Variants in PSMG1 observed in about 807,000 individuals in gnomAD.
PSMG1 encodes the protein Down syndrome critical region gene 2.
Under a neutral mutation model 37.2 loss-of-function variants are expected in PSMG1, and 23 were observed. The observed-to-expected ratio is 0.62, with a 90% CI of 0.44 to 0.88. The LOEUF (loss-of-function observed/expected upper bound fraction) is 0.88, where lower values mean the gene tolerates loss of function less well. PSMG1 is among the 40% of genes least tolerant of loss of function. The probability of loss-of-function intolerance (pLI) is 0.00; values close to 1 mark genes in which losing one functional copy is unlikely to be tolerated. For missense variants in PSMG1, 340 were observed against 344.2 expected, an observed-to-expected ratio of 0.99 and a Z score of 0.10; for synonymous variants, 127 against 128.0, an observed-to-expected ratio of 0.99 and a Z score of 0.05.
intron 3 of PSMG1, 28 bp downstream of exon 3, chr21:39,180,257 G>T (rs2030777337): frequency 6.4e-7 from 1 of 1,562,912 alleles, no homozygotes; most frequent in Non-Finnish European, 8.7e-7. Context: ...TTAAATAACT[G>T]CTTTTCAAAC....
chr21:39,183,179 G>T (rs972919838), intron 1 of PSMG1, 73 bp downstream of exon 1: 26 of 1,433,988 alleles, frequency 1.8e-5, no homozygotes, highest in African/African-American at 4.4e-5. Flanking sequence ...CCGGCCTTAG[G>T]CGCCGTCGCG....
Position 39,175,483 on chromosome 21 carries a change from TTCA to T in PSMG1, c.*104_*106del, listed in dbSNP as rs1457990835. 1.9e-5 allele frequency: 26 copies of T among 1,388,058 alleles called. No homozygotes were observed. In the African/African-American group the frequency reaches 3.7e-4, roughly 20 times the overall value. 86.0% of individuals were successfully genotyped at this position (1,388,058 alleles called of 1,614,324 possible). A position where few individuals can be genotyped will look rare whatever the true frequency, so the allele number is the denominator to read the frequency against. ...TTAATTTTTTACAATTTTATTCCGT[TTCA>T]TCATTCTCAAAATATATCCCCCAAA... On this transcript the variant is annotated 3_prime_UTR_variant, in exon 7 of 7. Transcript: ENST00000331573.
At chr21:39,182,751 T>G (rs1177069164) in intron 1 of PSMG1, among the ~76,000 whole-genome samples, 1 of 152,184 alleles carries the variant, frequency 6.6e-6, no homozygotes, top group Non-Finnish European at 1.5e-5. Context: ...AAACAATTTT[T>G]TTAAAGCGTG....
intron 6 of PSMG1, among the ~76,000 whole-genome samples, 188 bp from the exon 7 acceptor site, chr21:39,175,852 C>A (rs1460988267): frequency 6.6e-6 from 1 of 152,176 alleles, no homozygotes; most frequent in East Asian, 1.9e-4. Context: ...CCTTTCCCTG[C>A]CACACTCGCC....
chr21:39,176,712 AAACT>A (rs1205889354), intron 6 of PSMG1, among the ~76,000 whole-genome samples: 1 of 152,242 alleles, frequency 6.6e-6, no homozygotes, highest in Non-Finnish European at 1.5e-5. Flanking sequence ...ATCTAGTAAC[AAACT>A]AATTTATGAG....
At chr21:39,181,629 A>G in intron 2 of PSMG1, 143 bp downstream of exon 2, 1 of 502,912 alleles carries the variant, frequency 2.0e-6, no homozygotes, top group Non-Finnish European at 3.3e-6. Flanking sequence ...CAACAGGAAC[A>G]GGAGAGAGAT....
At chr21:39,183,461 T>G, upstream of PSMG1, 1 of 1,471,378 alleles carries the variant, frequency 6.8e-7, no homozygotes, top group Non-Finnish European at 9.0e-7. Flanking sequence ...CCACGCTCCC[T>G]CACCGCGCGG....
chr21:39,175,557 C>T lies in PSMG1; in HGVS notation c.*33G>A, dbSNP rs1162203263. The T allele has an allele frequency of 2.5e-6, 4 of 1,574,028 alleles. No individual in the cohort carries two copies. The highest frequency in any genetic ancestry group is 1.7e-4 in the Middle Eastern group (1 of 5,974). ...AGGCTGCTCCCCTTAAAGGAATGGA[C>T]AAGTAATATACACTACAAAACAATG... On this transcript the variant is annotated 3_prime_UTR_variant, in exon 7 of 7. Coordinates refer to ENST00000331573, the MANE Select transcript of PSMG1 (RefSeq NM_003720.4).
At chr21:39,179,537 T>C (rs2030745834) in intron 4 of PSMG1, among the ~76,000 whole-genome samples, 4 of 152,298 alleles carry the variant, frequency 2.6e-5, no homozygotes, top group East Asian at 3.9e-4. Context: ...CTTCTATAAG[T>C]AGAAGAGTCT....
At position 39,183,286 on chromosome 21, in the gene PSMG1, C is replaced by T. The variant is rs779138348; in HGVS notation, c.100G>A (p.Asp34Asn). The change falls in exon 1 of 7, where the codon GAC becomes AAC. Residue 34 changes from aspartate to asparagine, a missense_variant. Asp to Asn is a conservative substitution (Grantham distance 23). Coordinates refer to ENST00000331573, the MANE Select transcript of PSMG1 (RefSeq NM_003720.4). ...GCCAGCTGCAGACGCACCTCCCTGT[C>T]CTCGGGCGTCTCCCTCCGCCCCTCC... ...EEEGRRETPE[D>N]REVRLQLARK... 1.1e-5 allele frequency: 18 copies of T among 1,589,770 alleles called. No homozygotes were observed. The South Asian group carries it at 1.9e-4, about 17-fold the overall frequency.
At chr21:39,178,085 C>G (rs2030691268) in intron 5 of PSMG1, among the ~76,000 whole-genome samples, 1 of 152,172 alleles carries the variant, frequency 6.6e-6, no homozygotes, top group Admixed American at 6.5e-5. Context: ...ATTAAAGCAA[C>G]TATCAAGATT....
At chr21:39,182,917 C>T (rs1313553348) in intron 1 of PSMG1, 3 of 258,194 alleles carry the variant, frequency 1.2e-5, no homozygotes, top group East Asian at 1.6e-4. Context: ...GGGAAGATCA[C>T]GAGTCCGCAA....
intron 6 of PSMG1, among the ~76,000 whole-genome samples, chr21:39,176,406 C>T (rs886618664): frequency 6.6e-6 from 1 of 152,216 alleles, no homozygotes. Flanking sequence ...CCAGCCCCTG[C>T]CCATGGGAAC....
Position 39,177,450 on chromosome 21 carries a change from CA to C in PSMG1, c.776del (p.Leu259Ter). On this transcript the variant is annotated frameshift_variant, in exon 6 of 7. Coordinates refer to ENST00000331573, the MANE Select transcript of PSMG1 (RefSeq NM_003720.4). LOFTEE classifies it high-confidence loss of function. Reference sequence around the variant, plus strand: ...AAAACCTTACCTTAACCAAACCCTTCAAGCTTCTGGTAGAAAGTATAGGCTT... The same window carrying C: ...AAAACCTTACCTTAACCAAACCCTTCAGCTTCTGGTAGAAAGTATAGGCTT... ...AFKPILSTRS[L>X]KGLVKNIPQS... The C allele has an allele frequency of 6.3e-7, 1 of 1,597,106 alleles. No homozygotes were observed. Among genetic ancestry groups the C allele is most frequent in the South Asian group, 1.1e-5 (1 of 87,220 alleles).
At chr21:39,182,347 CCTGT>C (rs1438460244) in intron 1 of PSMG1, among the ~76,000 whole-genome samples, 1 of 152,168 alleles carries the variant, frequency 6.6e-6, no homozygotes, top group Non-Finnish European at 1.5e-5. Context: ...GACAATCAGT[CCTGT>C]CTCTTAGGAG....
chr21:39,178,672 A>C (rs768280883), intron 4 of PSMG1, 25 bp from the exon 5 acceptor site: 1 of 1,575,144 alleles, frequency 6.3e-7, no homozygotes, highest in Admixed American at 1.7e-5. Flanking sequence ...ATTTCAAATT[A>C]AAAAAAACAT....
chr21:39,182,549 A>G (rs1601191618), intron 1 of PSMG1, among the ~76,000 whole-genome samples: 1 of 152,214 alleles, frequency 6.6e-6, no homozygotes, highest in African/African-American at 2.4e-5. Flanking sequence ...TGATAATAGC[A>G]TATGTAAGAA....
chr21:39,175,656 G>A lies in PSMG1; in HGVS notation c.801C>T (p.Pro267=). ...RSLKGLVKNI[P]QSTEILKKLM... ...ATTTCTTTAGTATCTCAGTGCTTTGGGGAATATTCTGAAAGGAGAGAAAAA... is the reference window on the plus strand; with the variant it reads ...ATTTCTTTAGTATCTCAGTGCTTTGAGGAATATTCTGAAAGGAGAGAAAAA... The change falls in exon 7 of 7, where the codon CCC becomes CCT. Residue 267 remains proline, a synonymous_variant. Transcript: ENST00000331573. 1 of 1,581,878 alleles carries A rather than the reference G, an allele frequency of 6.3e-7. No individual in the cohort carries two copies. The highest frequency in any genetic ancestry group is 8.7e-7 in the Non-Finnish European group (1 of 1,151,056).
intron 2 of PSMG1, among the ~76,000 whole-genome samples, chr21:39,180,985 C>T (rs1241157256): frequency 6.6e-6 from 1 of 152,090 alleles, no homozygotes; most frequent in Non-Finnish European, 1.5e-5. Context: ...AACTTAAGTA[C>T]TTAAACATGT....
Sources: allele counts gnomAD v4.1 joint callset (sites outside exome capture counted in the v4.1 genomes callset), GRCh38; gene constraint gnomAD v4.1.1; transcripts MANE v1.5; gene names NCBI Gene and HGNC (gene_info 2026-07-23, HGNC 2026-07-21).